GRIK2: variants seen among roughly 807,000 people sequenced by gnomAD.
GRIK2 encodes the protein glutamate ionotropic receptor kainate type subunit 2.
GRIK2 carries 32 observed loss-of-function variants against 100.3 expected under a neutral mutation model. That is an observed-to-expected ratio of 0.32 (90% CI 0.24 to 0.43). The LOEUF is 0.43. Among genes scored for constraint, GRIK2 ranks in the 20% least tolerant of loss-of-function variants. The pLI, the probability that GRIK2 is intolerant of heterozygous loss-of-function variation, is 1.00. For missense variants in GRIK2, 843 were observed against 1,114.9 expected, an observed-to-expected ratio of 0.76 and a Z score of 3.47; for synonymous variants, 417 against 389.4, an observed-to-expected ratio of 1.07 and a Z score of -0.83.
At chr6:101,576,969 G>A (rs546376213) in intron 2 of GRIK2, among the ~76,000 whole-genome samples, 4 of 152,024 alleles carry the variant, frequency 2.6e-5, no homozygotes, top group Non-Finnish European at 4.4e-5. Context: ...TTTATATCTC[G>A]TAATCTAATC....
At chr6:101,937,182 T>C (rs1448121942) in intron 14 of GRIK2, among the ~76,000 whole-genome samples, 2 of 152,128 alleles carry the variant, frequency 1.3e-5, no homozygotes, top group Non-Finnish European at 2.9e-5. Context: ...AACAATGTTT[T>C]AATTGCCTTG....
In GRIK2 at chr6:101,682,581, A is replaced by T. The variant is rs748749987; in HGVS notation, c.752A>T (p.Tyr251Phe). 4 of 1,330,596 alleles carry T rather than the reference A, an allele frequency of 3.0e-6. No homozygotes were observed. Among genetic ancestry groups the T allele is most frequent in the Non-Finnish European group, 4.3e-6 (4 of 930,466 alleles). The allele number at this position is 1,330,596 out of a possible 1,614,324, so 82.4% of individuals were successfully genotyped here. A position where few individuals can be genotyped will look rare whatever the true frequency, so the allele number is the denominator to read the frequency against. The part of the protein sequence containing the change: ...QALAMGMMTE[Y>F]YHYIFTTLDL... ...TTAGCTATGGGAATGATGACAGAAT[A>T]CTATCATTATATCTTTACCACTCTG... The change falls in exon 6 of 17, where the codon TAC becomes TTC. Residue 251 changes from tyrosine (Y) to phenylalanine (F), a missense_variant. Physicochemically the swap from Tyr to Phe is conservative, Grantham distance 22. Coordinates refer to ENST00000369134, the MANE Select transcript of GRIK2 (RefSeq NM_021956.5).
chr6:101,792,707 A>G (rs1369879070), intron 7 of GRIK2, among the ~76,000 whole-genome samples: 1 of 151,908 alleles, frequency 6.6e-6, no homozygotes, highest in South Asian at 2.1e-4. Flanking sequence ...CTTCTCGAGG[A>G]GTATCTTTGT....
At chr6:101,441,124 G>A (rs182115622) in intron 2 of GRIK2, among the ~76,000 whole-genome samples, 23 of 152,022 alleles carry the variant, frequency 1.5e-4, no homozygotes, top group African/African-American at 4.8e-4. Flanking sequence ...GATTACAGGC[G>A]TGAGCCACTA....
intron 10 of GRIK2, among the ~76,000 whole-genome samples, chr6:101,859,002 TATA>T (rs1190324637): frequency 2.0e-5 from 3 of 151,968 alleles, no homozygotes; most frequent in Non-Finnish European, 2.9e-5. Context: ...ATTGGTTATA[TATA>T]ATAAGATTTA....
intron 9 of GRIK2, among the ~76,000 whole-genome samples, chr6:101,815,243 G>A (rs1036427774): frequency 6.6e-6 from 1 of 152,042 alleles, no homozygotes; most frequent in African/African-American, 2.4e-5. Context: ...TGTATTCATA[G>A]GATCAAAGTT....
At chr6:101,541,481 A>G (rs912884947) in intron 2 of GRIK2, among the ~76,000 whole-genome samples, 1 of 151,794 alleles carries the variant, frequency 6.6e-6, no homozygotes, top group African/African-American at 2.4e-5. Context: ...GAAGGTGAGA[A>G]AGGATGCTGG....
intron 7 of GRIK2, among the ~76,000 whole-genome samples, chr6:101,774,421 G>T (rs527391501): frequency 6.6e-6 from 1 of 152,030 alleles, no homozygotes; most frequent in African/African-American, 2.4e-5. Flanking sequence ...AATCAATAGC[G>T]GTTCCAAATG....
chr6:101,594,209 AGT>A (rs1374645060), intron 2 of GRIK2, among the ~76,000 whole-genome samples: 1 of 151,826 alleles, frequency 6.6e-6, no homozygotes, highest in East Asian at 1.9e-4. Flanking sequence ...AACAGGCTTG[AGT>A]GTGCCGGCTT....
intron 7 of GRIK2, among the ~76,000 whole-genome samples, chr6:101,723,767 G>A (rs754975628): frequency 1.1e-4 from 16 of 152,100 alleles, no homozygotes; most frequent in Non-Finnish European, 2.2e-4. Flanking sequence ...TTCAAAATAT[G>A]ACTTCACTGT....
rs182178467 is a variant in GRIK2, at chr6:102,016,196, T to C, written c.2086-19145T>C. On this transcript the variant is annotated intron_variant, in intron 14 of 16. Transcript: ENST00000369134. ...ATAGAATTCAGAGAGTGAACAGGAA[T>C]GAAGATCATCAAGGTTCAGGTAAAC... 2.6e-5 allele frequency among the ~76,000 whole-genome samples: 4 copies of C among 152,146 alleles called. No individual in the cohort carries two copies. The East Asian group carries it at 7.8e-4, about 30-fold the overall frequency.
At chr6:101,505,354 A>C (rs188817438) in intron 2 of GRIK2, among the ~76,000 whole-genome samples, 2 of 152,092 alleles carry the variant, frequency 1.3e-5, no homozygotes, top group Admixed American at 6.6e-5. Flanking sequence ...TCCTCAGTTA[A>C]GCAGCTGGCA....
intron 2 of GRIK2, among the ~76,000 whole-genome samples, chr6:101,448,331 C>T (rs2128248242): frequency 6.6e-6 from 1 of 151,618 alleles, no homozygotes; most frequent in South Asian, 2.1e-4. Flanking sequence ...ATATATTTTG[C>T]AAGTACATTT....
chr6:102,005,973 T>G (rs1795199363), intron 14 of GRIK2, among the ~76,000 whole-genome samples: 1 of 152,026 alleles, frequency 6.6e-6, no homozygotes, highest in Non-Finnish European at 1.5e-5. Context: ...TGTGTCCTGA[T>G]TTCCTCTTAT....
intron 2 of GRIK2, among the ~76,000 whole-genome samples, chr6:101,564,203 T>A (rs1204666063): frequency 2.0e-5 from 3 of 152,158 alleles, no homozygotes; most frequent in Non-Finnish European, 4.4e-5. Context: ...GCATTTACAT[T>A]TCTTTCTTAT....
chr6:101,755,783 G>A (rs17832918), intron 7 of GRIK2, among the ~76,000 whole-genome samples: 2,289 of 152,138 alleles, frequency 0.015, 28 homozygotes, highest in South Asian at 0.039. Context: ...ATGACAAAGT[G>A]GTAACTAAAT....
At chr6:101,964,077 A>G (rs1383733566) in intron 14 of GRIK2, among the ~76,000 whole-genome samples, 2 of 151,720 alleles carry the variant, frequency 1.3e-5, no homozygotes, top group Non-Finnish European at 2.9e-5. Context: ...AAAAATACAT[A>G]TAATTTGCTG....
chr6:101,830,495 A>G (rs1331878127), intron 10 of GRIK2, among the ~76,000 whole-genome samples: 1 of 152,082 alleles, frequency 6.6e-6, no homozygotes, highest in East Asian at 1.9e-4. Context: ...TAATATCCAG[A>G]ATCTAAAAGG....
intron 2 of GRIK2, among the ~76,000 whole-genome samples, chr6:101,465,527 T>C (rs938639997): frequency 6.6e-6 from 1 of 152,222 alleles, no homozygotes; most frequent in Non-Finnish European, 1.5e-5. Context: ...GATAGACATT[T>C]AGGTTAATTC....
Sources: allele counts gnomAD v4.1 joint callset (sites outside exome capture counted in the v4.1 genomes callset), GRCh38; gene constraint gnomAD v4.1.1; transcripts MANE v1.5; gene names NCBI Gene and HGNC (gene_info 2026-07-23, HGNC 2026-07-21).